ALPK2: variants seen among roughly 807,000 people sequenced by gnomAD.
ALPK2 encodes the protein alpha kinase 2, also known as alpha-protein kinase 2.
Under a neutral mutation model 163.1 loss-of-function variants are expected in ALPK2, and 127 were observed. That is an observed-to-expected ratio of 0.78 (90% CI 0.67 to 0.90). The LOEUF is 0.90. ALPK2 is among the 40% of genes least tolerant of loss of function. The pLI is 0.00. For missense variants in ALPK2, 2,360 were observed against 2,589.6 expected, an observed-to-expected ratio of 0.91 and a Z score of 1.92; for synonymous variants, 953 against 959.1, an observed-to-expected ratio of 0.99 and a Z score of 0.12.
intron 4 of ALPK2, among the ~76,000 whole-genome samples, chr18:58,555,711 C>T (rs953730054): frequency 1.3e-5 from 2 of 152,228 alleles, no homozygotes; most frequent in East Asian, 1.9e-4. Context: ...AGAACCCCAA[C>T]CATTTCAGTG....
chr18:58,517,774 C>T (rs1027588452), intron 8 of ALPK2, among the ~76,000 whole-genome samples: 1 of 151,806 alleles, frequency 6.6e-6, no homozygotes, highest in Non-Finnish European at 1.5e-5. Flanking sequence ...GCAATACTGC[C>T]TCCATTGAGA....
intron 5 of ALPK2, 51 bp downstream of exon 5, chr18:58,534,783 C>A: frequency 1.3e-6 from 2 of 1,542,794 alleles, no homozygotes; most frequent in Non-Finnish European, 1.7e-6. Context: ...AACTGGATAC[C>A]TGGTCTACAA....
Position 58,504,098 on chromosome 18 carries a change from G to A in ALPK2, c.6080C>T (p.Ala2027Val). 2.5e-6 allele frequency: 4 copies of A among 1,614,172 alleles called. No individual in the cohort carries two copies. Among genetic ancestry groups the A allele is most frequent in the African/African-American group, 1.3e-5 (1 of 75,042 alleles). Residue 2027 changes from alanine to valine, a missense_variant, in exon 11 of 13, where the codon GCT becomes GTT. Physicochemically the swap from Ala to Val is moderately conservative, Grantham distance 64. Transcript: ENST00000361673. The stretch of plus-strand genomic sequence containing the variant: ...TCCAATCAGCTCCTCCTCCACTGTA[G>A]CATACGGGATATTGTTCTCAGGCCG... ...IHRPENNIPY[A>V]TVEEELIGEF...
At chr18:58,504,999 G>A (rs1247817523) in intron 10 of ALPK2, among the ~76,000 whole-genome samples, 1 of 152,106 alleles carries the variant, frequency 6.6e-6, no homozygotes, top group East Asian at 1.9e-4. Context: ...GAGGCAGAGG[G>A]GACAGGAAGT....
chr18:58,573,272 ATGTATATATG>A (rs1311655796), intron 4 of ALPK2, among the ~76,000 whole-genome samples: 3 of 132,502 alleles, frequency 2.3e-5, no homozygotes, highest in African/African-American at 5.7e-5. Flanking sequence ...GTGTATATAT[ATGTATATATG>A]TGTATATATG....
At chr18:58,571,290 C>G (rs1284093701) in intron 4 of ALPK2, among the ~76,000 whole-genome samples, 1 of 151,978 alleles carries the variant, frequency 6.6e-6, no homozygotes, top group Non-Finnish European at 1.5e-5. Context: ...CAAAATGCTG[C>G]GACTACAGGT....
At position 58,579,054 on chromosome 18, in the gene ALPK2, T is replaced by C; in HGVS notation, c.1722A>G (p.Pro574=). ...LCSAKESAEP[P]LTQSDKRETS... ...TCTCTCTTTTATCACTCTGGGTTAG[T>C]GGGGGCTCAGCAGATTCTTTGGCAG... The change falls in exon 4 of 13, where the codon CCA becomes CCG. Residue 574 remains proline (P), a synonymous_variant. Coordinates refer to ENST00000361673, the MANE Select transcript of ALPK2 (RefSeq NM_052947.4). The C allele has an allele frequency of 1.2e-6, 2 of 1,614,234 alleles. No homozygotes were observed. The highest frequency in any genetic ancestry group is 8.5e-7 in the Non-Finnish European group (1 of 1,180,044).
intron 4 of ALPK2, among the ~76,000 whole-genome samples, chr18:58,550,665 GTA>G (rs2051753172): frequency 8.3e-6 from 1 of 121,112 alleles, no homozygotes; most frequent in African/African-American, 3.2e-5. Context: ...TCTCCATCAT[GTA>G]CAACCCCATC....
intron 3 of ALPK2, among the ~76,000 whole-genome samples, chr18:58,606,616 A>G (rs2052099061): frequency 6.6e-6 from 1 of 152,190 alleles, no homozygotes; most frequent in East Asian, 1.9e-4. Context: ...ACTCAACGCT[A>G]TCAGCACACT....
chr18:58,486,685 C>T (rs1172511583), intron 12 of ALPK2, among the ~76,000 whole-genome samples: 2 of 152,188 alleles, frequency 1.3e-5, no homozygotes, highest in Non-Finnish European at 2.9e-5. Context: ...CTTTTCTTTG[C>T]TACCTAGCAT....
At chr18:58,505,537 A>G (rs994525435) in intron 10 of ALPK2, among the ~76,000 whole-genome samples, 1 of 151,924 alleles carries the variant, frequency 6.6e-6, no homozygotes, top group Non-Finnish European at 1.5e-5. Flanking sequence ...TCCTCCAGGT[A>G]TTGCTCCAGC....
chr18:58,511,448 G>C (rs2051490021), intron 10 of ALPK2: 1 of 152,212 alleles, frequency 6.6e-6, no homozygotes, highest in Non-Finnish European at 1.5e-5. Flanking sequence ...ACCAGCTGGG[G>C]CACAGGTCCT....
At chr18:58,498,692 C>CA (rs1287971957) in intron 11 of ALPK2, among the ~76,000 whole-genome samples, 4 of 152,198 alleles carry the variant, frequency 2.6e-5, no homozygotes, top group Non-Finnish European at 5.9e-5. Context: ...ATACTGTTCT[C>CA]ATGGTAGTGA....
At chr18:58,505,763 G>A (rs1348120472) in intron 10 of ALPK2, among the ~76,000 whole-genome samples, 1 of 152,100 alleles carries the variant, frequency 6.6e-6, no homozygotes, top group East Asian at 1.9e-4. Context: ...GCTTTCCCTC[G>A]AAAGAAGCCT....
chr18:58,608,697 C>T (rs1420724761), intron 2 of ALPK2, among the ~76,000 whole-genome samples: 1 of 152,170 alleles, frequency 6.6e-6, no homozygotes, highest in African/African-American at 2.4e-5. Flanking sequence ...CCTATAATCC[C>T]AGCACTTTGG....
chr18:58,482,620 G>T (rs1306985533), intron 12 of ALPK2, among the ~76,000 whole-genome samples: 1 of 152,136 alleles, frequency 6.6e-6, no homozygotes, highest in Non-Finnish European at 1.5e-5. Flanking sequence ...CTGGCAGCCC[G>T]CTTTGTCCCC....
chr18:58,539,648 T>C (rs2051679882), intron 4 of ALPK2, among the ~76,000 whole-genome samples: 1 of 152,168 alleles, frequency 6.6e-6, no homozygotes, highest in South Asian at 2.1e-4. Context: ...TGACTGGCCT[T>C]GGCGGGATGG....
At chr18:58,587,610 T>A (rs2051994098) in intron 3 of ALPK2, among the ~76,000 whole-genome samples, 1 of 152,070 alleles carries the variant, frequency 6.6e-6, no homozygotes, top group Non-Finnish European at 1.5e-5. Context: ...AAATAAAAAA[T>A]TCACAAAAGG....
intron 1 of ALPK2, among the ~76,000 whole-genome samples, chr18:58,613,708 A>ATAATAAT (rs1555678002): frequency 1.1e-5 from 1 of 95,216 alleles, no homozygotes; most frequent in Non-Finnish European, 2.2e-5. Context: ...CAAAAAAAAA[A>ATAATAAT]AATAATAATA....
Sources: allele counts gnomAD v4.1 joint callset (sites outside exome capture counted in the v4.1 genomes callset), GRCh38; gene constraint gnomAD v4.1.1; transcripts MANE v1.5; gene names NCBI Gene and HGNC (gene_info 2026-07-23, HGNC 2026-07-21).